CACNA2D3: variants seen among roughly 807,000 people sequenced by gnomAD.
CACNA2D3 encodes calcium voltage-gated channel auxiliary subunit alpha2delta 3.
Under a neutral mutation model 160.6 loss-of-function variants are expected in CACNA2D3, and 60 were observed. The observed-to-expected ratio is 0.37, with a 90% CI of 0.30 to 0.46. The LOEUF (loss-of-function observed/expected upper bound fraction) is 0.46. CACNA2D3 is among the 20% of genes least tolerant of loss of function. The probability of loss-of-function intolerance (pLI) is 1.00; values close to 1 mark genes in which losing one functional copy is unlikely to be tolerated. For synonymous variants in CACNA2D3, 558 were observed against 492.9 expected (o/e 1.13, Z -1.75); for missense variants, 1,205 against 1,365.0 (o/e 0.88, Z 1.85).
intron 2 of CACNA2D3, among the ~76,000 whole-genome samples, chr3:54,299,301 C>T (rs1258165885): frequency 6.6e-6 from 1 of 152,124 alleles, no homozygotes; most frequent in Non-Finnish European, 1.5e-5. Flanking sequence ...ACTCCTGGTC[C>T]AGGACTGTGT....
intron 5 of CACNA2D3, among the ~76,000 whole-genome samples, chr3:54,529,217 G>A (rs778332583): frequency 6.6e-6 from 1 of 151,386 alleles, no homozygotes; most frequent in African/African-American, 2.4e-5. Flanking sequence ...CTTTTTTTTT[G>A]TATAAACGTG....
chr3:55,037,323 A>G (rs917328826), intron 35 of CACNA2D3, among the ~76,000 whole-genome samples: 1 of 152,184 alleles, frequency 6.6e-6, no homozygotes, highest in African/African-American at 2.4e-5. Context: ...TCAGAGAAAG[A>G]TGGTGAACCT....
intron 12 of CACNA2D3, among the ~76,000 whole-genome samples, chr3:54,753,035 AT>A (rs1405248804): frequency 6.6e-6 from 1 of 151,850 alleles, no homozygotes; most frequent in Non-Finnish European, 1.5e-5. Flanking sequence ...TAATTTTTGT[AT>A]TTTTAGTAGA....
chr3:54,454,945 A>T (rs539348766), intron 4 of CACNA2D3, among the ~76,000 whole-genome samples: 11 of 152,196 alleles, frequency 7.2e-5, no homozygotes, highest in African/African-American at 2.4e-4. Flanking sequence ...TTTAAGGCTG[A>T]CTTGTATATA....
chr3:54,447,945 A>T (rs2106809839), intron 4 of CACNA2D3, among the ~76,000 whole-genome samples: 1 of 152,310 alleles, frequency 6.6e-6, no homozygotes, highest in South Asian at 2.1e-4. Flanking sequence ...ACCCGTATTT[A>T]GTGATGATAT....
At chr3:54,811,465 C>CTTTTTTTTTTTTTTTTGTTTTTT (rs1703312505) in intron 13 of CACNA2D3, among the ~76,000 whole-genome samples, 1 of 111,562 alleles carries the variant, frequency 9.0e-6, no homozygotes, top group Non-Finnish European at 1.8e-5. Context: ...TCCCTCAGTT[C>CTTTTTTTTTTTTTTTTGTTTTTT]TTTTTTTTTT....
intron 2 of CACNA2D3, among the ~76,000 whole-genome samples, chr3:54,301,282 A>G (rs1290859856): frequency 2.2e-5 from 3 of 137,838 alleles, no homozygotes; most frequent in Non-Finnish European, 4.8e-5. Context: ...CAACAACAAC[A>G]AACAAACAAA....
intron 4 of CACNA2D3, among the ~76,000 whole-genome samples, chr3:54,414,731 G>A (rs1699726642): frequency 6.7e-6 from 1 of 150,170 alleles, no homozygotes; most frequent in East Asian, 1.9e-4. Context: ...GGCTACAGAA[G>A]TCTGAACTGT....
chr3:54,123,830 G>A (rs1038493610), intron 2 of CACNA2D3, among the ~76,000 whole-genome samples: 8 of 152,134 alleles, frequency 5.3e-5, no homozygotes. Flanking sequence ...CACTGTCCTG[G>A]CTGGGGCTCG....
At chr3:54,564,963 C>T (rs557174530) in intron 6 of CACNA2D3, among the ~76,000 whole-genome samples, 2 of 152,324 alleles carry the variant, frequency 1.3e-5, no homozygotes, top group East Asian at 1.9e-4. Context: ...GCTCTCATTT[C>T]TGCCTTCTTC....
chr3:54,192,616 G>A (rs1701003351), intron 2 of CACNA2D3, among the ~76,000 whole-genome samples: 1 of 152,132 alleles, frequency 6.6e-6, no homozygotes. Flanking sequence ...AGCAGGGAAT[G>A]AGCACGAGAG....
At chr3:54,585,127 C>G (rs541606798) in intron 9 of CACNA2D3, among the ~76,000 whole-genome samples, 2 of 152,128 alleles carry the variant, frequency 1.3e-5, no homozygotes, top group Non-Finnish European at 2.9e-5. Context: ...TATCCTAATT[C>G]TCAGACAATT....
intron 14 of CACNA2D3, among the ~76,000 whole-genome samples, chr3:54,832,539 G>A (rs1011678389): frequency 2.0e-5 from 3 of 152,262 alleles, no homozygotes; most frequent in East Asian, 1.9e-4. Flanking sequence ...ATCACTCTGC[G>A]GCAGACTACT....
chr3:54,636,957 TAAAG>T (rs2106835163), intron 10 of CACNA2D3, among the ~76,000 whole-genome samples: 1 of 151,926 alleles, frequency 6.6e-6, no homozygotes, highest in African/African-American at 2.4e-5. Context: ...AAAGGAATAG[TAAAG>T]AAAGCATGTT....
At chr3:54,621,627 T>A (rs1698988995) in intron 9 of CACNA2D3, among the ~76,000 whole-genome samples, 1 of 152,230 alleles carries the variant, frequency 6.6e-6, no homozygotes. Flanking sequence ...GGCCACCTTT[T>A]GGTACACGGC....
intron 2 of CACNA2D3, among the ~76,000 whole-genome samples, chr3:54,203,964 G>A (rs1701222254): frequency 6.6e-6 from 1 of 151,962 alleles, no homozygotes; most frequent in Non-Finnish European, 1.5e-5. Context: ...GTCCCTGGGA[G>A]TGGGACCCTA....
At chr3:54,138,334 T>C (rs1227714396) in intron 2 of CACNA2D3, among the ~76,000 whole-genome samples, 3 of 152,086 alleles carry the variant, frequency 2.0e-5, no homozygotes, top group African/African-American at 4.8e-5. Context: ...TGGGGAGCAG[T>C]GGGGAGGACA....
At chr3:54,154,738 G>A (rs1700213599) in intron 2 of CACNA2D3, among the ~76,000 whole-genome samples, 1 of 152,032 alleles carries the variant, frequency 6.6e-6, no homozygotes, top group African/African-American at 2.4e-5. Flanking sequence ...AACATGGTGT[G>A]GTGGTGTACA....
intron 4 of CACNA2D3, among the ~76,000 whole-genome samples, chr3:54,500,168 T>A (rs1004330800): frequency 6.6e-6 from 1 of 152,298 alleles, no homozygotes; most frequent in Non-Finnish European, 1.5e-5. Context: ...TCCTTGATAA[T>A]TTTCCCTGCT....
Sources: allele counts gnomAD v4.1 joint callset (sites outside exome capture counted in the v4.1 genomes callset), GRCh38; gene constraint gnomAD v4.1.1; transcripts MANE v1.5; gene names NCBI Gene and HGNC (gene_info 2026-07-23, HGNC 2026-07-21).